The following FTO variants were observed in gnomAD, a reference collection of about 807,000 sequenced individuals.
The protein encoded by FTO is alpha-ketoglutarate-dependent dioxygenase FTO.
A neutral mutation model predicts 63.9 loss-of-function variants in FTO; 47 were observed. That is an observed-to-expected ratio of 0.74 (90% CI 0.58 to 0.94). The LOEUF (loss-of-function observed/expected upper bound fraction) is 0.94, where lower values mean the gene tolerates loss of function less well. Among genes scored for constraint, FTO ranks in the 40% least tolerant of loss-of-function variants. FTO has a pLI of 0.00. For missense variants in FTO, 562 were observed against 618.1 expected (o/e 0.91, Z 0.96); for synonymous variants, 207 against 224.4 (o/e 0.92, Z 0.69).
intron 1 of FTO, among the ~76,000 whole-genome samples, chr16:53,765,004 G>A (rs1819094025): frequency 6.6e-6 from 1 of 152,112 alleles, no homozygotes; most frequent in Non-Finnish European, 1.5e-5. Flanking sequence ...ACAGGCATGA[G>A]CCACCATGCC....
chr16:53,826,041 A>T lies in FTO; in HGVS notation c.301A>T (p.Asn101Tyr). ...LTPVSRILIG[N>Y]PGCTYKYLNT... ...TCCGGTATCTCGCATCCTCATTGGT[A>T]ATCCAGGCTGCACCTACAAGTACCT... Residue 101 changes from asparagine to tyrosine, a missense_variant, in exon 3 of 9, where the codon AAT becomes TAT. By Grantham distance (143) the Asn-to-Tyr change is moderately radical (BLOSUM62 -2). Transcript: ENST00000471389. 6.2e-7 allele frequency: 1 copy of T among 1,614,154 alleles called. No homozygotes were observed. The highest frequency in any genetic ancestry group is 8.5e-7 in the Non-Finnish European group (1 of 1,180,010).
chr16:54,081,878 A>G (rs771475460), intron 8 of FTO, among the ~76,000 whole-genome samples: 78 of 152,228 alleles, frequency 5.1e-4, no homozygotes, highest in Non-Finnish European at 7.5e-4. Flanking sequence ...TTCTCAAATC[A>G]TAACGGAACA....
At position 54,054,235 on chromosome 16, in the gene FTO, G is replaced by A. The variant is rs969136661; in HGVS notation, c.1365-57527G>A. Among the ~76,000 whole-genome samples, 139 of 152,246 alleles carry A rather than the reference G, an allele frequency of 9.1e-4. 1 individual carries two copies. The highest frequency in any genetic ancestry group is 3.2e-3 in the African/African-American group (132 of 41,534). On this transcript the variant is annotated intron_variant, in intron 8 of 8. Transcript: ENST00000471389. ...AAGAGACTCCTTCCATGAACTGCTA[G>A]CATTAGAGAAATTAACTCCATTACA...
chr16:54,005,958 C>T (rs1336711837), intron 8 of FTO, among the ~76,000 whole-genome samples: 10 of 152,134 alleles, frequency 6.6e-5, no homozygotes, highest in Non-Finnish European at 1.2e-4. Context: ...CTCTTATGAA[C>T]TACTAATTCA....
intron 1 of FTO, among the ~76,000 whole-genome samples, chr16:53,776,986 A>G (rs2077474411): frequency 6.6e-6 from 1 of 152,122 alleles, no homozygotes; most frequent in African/African-American, 2.4e-5. Flanking sequence ...GCATGCTGTG[A>G]TGTTCCATGT....
intron 8 of FTO, among the ~76,000 whole-genome samples, chr16:53,997,177 GAGAAAGAAGGAAGGAAGGAGAA>G (rs1352971825): frequency 5.3e-5 from 8 of 150,466 alleles, no homozygotes; most frequent in African/African-American, 7.3e-5. Flanking sequence ...GAGAGAGGGA[GAGAAAGAAGGAAGGAAGGAGAA>G]AGAAAGAAGG....
chr16:53,923,138 G>C (rs1202832715), intron 7 of FTO: 15 of 152,170 alleles, frequency 9.9e-5, no homozygotes, highest in Non-Finnish European at 4.4e-5. Context: ...CCAAAAAAAG[G>C]CTTTCAGTAA....
intron 7 of FTO, among the ~76,000 whole-genome samples, chr16:53,905,380 C>T (rs1245676827): frequency 6.6e-6 from 1 of 152,138 alleles, no homozygotes; most frequent in Non-Finnish European, 1.5e-5. Flanking sequence ...ATAATAGTAT[C>T]TCCCTTAGCA....
At chr16:53,741,403 T>C (rs1262044866) in intron 1 of FTO, among the ~76,000 whole-genome samples, 1 of 152,248 alleles carries the variant, frequency 6.6e-6, no homozygotes, top group Admixed American at 6.5e-5. Context: ...TTCTATTGCA[T>C]TGTTTGTTTA....
At chr16:53,981,123 G>A (rs963723622) in intron 8 of FTO, 4 of 152,166 alleles carry the variant, frequency 2.6e-5, no homozygotes, top group African/African-American at 9.7e-5. Context: ...CAAAAGTTTT[G>A]AGACCAGCCT....
intron 8 of FTO, chr16:53,999,623 C>G (rs1027637541): frequency 2.0e-5 from 3 of 152,142 alleles, no homozygotes; most frequent in Non-Finnish European, 4.4e-5. Context: ...ATTAAAGACC[C>G]CATGGAAGCA....
At chr16:53,884,666 G>A (rs748568998) in intron 6 of FTO, among the ~76,000 whole-genome samples, 1 of 152,170 alleles carries the variant, frequency 6.6e-6, no homozygotes, top group African/African-American at 2.4e-5. Flanking sequence ...CAACTATATG[G>A]TGATAAAGTG....
At chr16:54,076,296 A>G (rs2085991312) in intron 8 of FTO, among the ~76,000 whole-genome samples, 2 of 152,238 alleles carry the variant, frequency 1.3e-5, no homozygotes, top group Admixed American at 6.5e-5. Context: ...CCAGAGCTTT[A>G]TGCCAGCAGT....
At chr16:53,955,240 A>G (rs1442437407) in intron 8 of FTO, among the ~76,000 whole-genome samples, 1 of 152,204 alleles carries the variant, frequency 6.6e-6, no homozygotes, top group Non-Finnish European at 1.5e-5. Flanking sequence ...TGAACACCTA[A>G]CAGTGTCCCT....
intron 7 of FTO, among the ~76,000 whole-genome samples, chr16:53,920,441 A>G (rs991548293): frequency 4.6e-5 from 7 of 152,236 alleles, no homozygotes; most frequent in Non-Finnish European, 1.0e-4. Flanking sequence ...TTTATGCATC[A>G]GCTTTGCTCT....
chr16:53,825,923 C>T lies in FTO; in HGVS notation c.183C>T (p.Leu61=), dbSNP rs1411581259. The change falls in exon 3 of 9, where the codon CTC becomes CTT. Residue 61 remains leucine (L), a synonymous_variant. Coordinates refer to ENST00000471389, the MANE Select transcript of FTO (RefSeq NM_001080432.3). ...AAGCCAGCAGTGTATCTGAGGAGCT[C>T]CATAAAGAGGTTCAAGAAGCCTTTC... ...LREASSVSEE[L]HKEVQEAFLT... The T allele has an allele frequency of 1.9e-6, 3 of 1,614,010 alleles. No individual in the cohort carries two copies. The highest frequency in any genetic ancestry group is 1.3e-5 in the African/African-American group (1 of 74,900).
intron 6 of FTO, among the ~76,000 whole-genome samples, chr16:53,884,735 A>G (rs16952619): frequency 0.044 from 6,768 of 152,284 alleles, 492 homozygotes; most frequent in African/African-American, 0.14. Flanking sequence ...TAAGTGCCCA[A>G]TGACTGAAGT....
chr16:54,048,255 TGAAAAA>T (rs1328531994), intron 8 of FTO, among the ~76,000 whole-genome samples: 20 of 81,236 alleles, frequency 2.5e-4, no homozygotes, highest in African/African-American at 1.3e-3. Flanking sequence ...TAAAAATACT[TGAAAAA>T]AAAAAAAAAA....
chr16:53,709,769 A>G (rs2075721822), intron 1 of FTO, among the ~76,000 whole-genome samples: 1 of 152,206 alleles, frequency 6.6e-6, no homozygotes, highest in Non-Finnish European at 1.5e-5. Flanking sequence ...CGCCATATAT[A>G]TCCACATGAA....
Sources: gnomAD v4.1 joint callset for allele counts (sites outside exome capture counted in the v4.1 genomes callset) on GRCh38, gnomAD v4.1.1 for gene constraint, MANE v1.5 for transcripts, NCBI Gene and HGNC (gene_info 2026-07-23, HGNC 2026-07-21) for gene names.